MVB12B: variants seen among roughly 807,000 people sequenced by gnomAD.
MVB12B encodes the protein ESCRT-I complex subunit MVB12B.
A neutral mutation model predicts 41.6 loss-of-function variants in MVB12B; 16 were observed. The ratio of observed to expected loss-of-function variants is 0.38; its 90% confidence interval spans 0.26 to 0.58. The LOEUF (loss-of-function observed/expected upper bound fraction) is 0.58, where lower values mean the gene tolerates loss of function less well. Among genes scored for constraint, MVB12B ranks in the 20% least tolerant of loss-of-function variants. MVB12B has a pLI of 0.62. For synonymous variants in MVB12B, 133 were observed against 139.7 expected (o/e 0.95, Z 0.34); for missense variants, 274 against 380.2 (o/e 0.72, Z 2.32).
intron 7 of MVB12B, among the ~76,000 whole-genome samples, chr9:126,422,548 G>A (rs941662260): frequency 1.3e-5 from 2 of 152,194 alleles, no homozygotes; most frequent in African/African-American, 4.8e-5. Flanking sequence ...TTAGGTGCTT[G>A]GCAGCACAGG....
intron 6 of MVB12B, among the ~76,000 whole-genome samples, chr9:126,417,643 T>C (rs1281470200): frequency 1.3e-5 from 2 of 152,220 alleles, no homozygotes; most frequent in Non-Finnish European, 2.9e-5. Flanking sequence ...TCAGTAATTG[T>C]CTACCCTGTG....
At chr9:126,354,297 T>G (rs1185358563) in intron 2 of MVB12B, among the ~76,000 whole-genome samples, 1 of 152,240 alleles carries the variant, frequency 6.6e-6, no homozygotes, top group East Asian at 1.9e-4. Flanking sequence ...TATCACATTT[T>G]GTTGATATGT....
chr9:126,477,310 T>C (rs531786045), intron 7 of MVB12B, among the ~76,000 whole-genome samples: 110 of 152,280 alleles, frequency 7.2e-4, no homozygotes, highest in Non-Finnish European at 1.4e-3. Context: ...ATCTCCAACA[T>C]TGGGGATTAC....
In MVB12B at chr9:126,443,598, A is replaced by AT. The variant is rs537147247; in HGVS notation, c.757+21652dup. On this transcript the variant is annotated intron_variant, in intron 7 of 9. Coordinates refer to ENST00000361171, the MANE Select transcript of MVB12B (RefSeq NM_033446.3). ...ATTGGAAAGAAAATATCACAACCCC[A>AT]TTACCCAGAGAAACAGTATTTCAGT... is the stretch of plus-strand genomic sequence containing the variant. Among the ~76,000 whole-genome samples, 48 of 152,348 alleles carry AT rather than the reference A, an allele frequency of 3.2e-4. No individual in the cohort carries two copies. The East Asian group carries it at 9.0e-3, about 29-fold the overall frequency.
intron 1 of MVB12B, among the ~76,000 whole-genome samples, chr9:126,336,472 G>C (rs1309402048): frequency 3.3e-5 from 5 of 152,200 alleles, no homozygotes; most frequent in African/African-American, 9.7e-5. Context: ...CTGTATGAAG[G>C]GTCTTTATAG....
rs1423491959 is a variant in MVB12B, at chr9:126,468,302, C to T, written c.758-13067C>T. ...ATTTCTGGATCTCCACCCGGCAGCCCTCACACACCCATCTCACATTCTCGG... is the reference window on the plus strand; with the variant it reads ...ATTTCTGGATCTCCACCCGGCAGCCTTCACACACCCATCTCACATTCTCGG... On this transcript the variant is annotated intron_variant, in intron 7 of 9. Transcript: ENST00000361171. This position sits in a 1 kb window ranked among gnomAD's most constrained non-coding sequence, Gnocchi z 4.3. Among the ~76,000 whole-genome samples, 1 of 152,182 alleles carries T rather than the reference C, an allele frequency of 6.6e-6. No individual in the cohort carries two copies. The highest frequency in any genetic ancestry group is 1.5e-5 in the Non-Finnish European group (1 of 68,034).
intron 7 of MVB12B, among the ~76,000 whole-genome samples, chr9:126,460,258 G>C (rs533803532): frequency 6.6e-6 from 1 of 152,168 alleles, no homozygotes; most frequent in Admixed American, 6.5e-5. Context: ...CTTTGCTGCC[G>C]CCTTGCTGGA....
chr9:126,505,007 G>A lies in MVB12B; in HGVS notation c.*1744G>A, dbSNP rs1285542247. The A allele has an allele frequency of 6.6e-6, 1 of 152,328 alleles. No individual in the cohort carries two copies. Among genetic ancestry groups the A allele is most frequent in the African/African-American group, 2.4e-5 (1 of 41,454 alleles). 9.4% of individuals were successfully genotyped at this position (152,328 alleles called of 1,614,324 possible). A position where few individuals can be genotyped will look rare whatever the true frequency, so the allele number is the denominator to read the frequency against. On this transcript the variant is annotated 3_prime_UTR_variant, in exon 10 of 10. Coordinates refer to ENST00000361171, the MANE Select transcript of MVB12B (RefSeq NM_033446.3). ...TATGTCTGCCGTGGCTCCTCGGGTG[G>A]TGCCCTGTGTGACAAAGCCCAACAG...
At chr9:126,430,194 C>T (rs940645909) in intron 7 of MVB12B, among the ~76,000 whole-genome samples, 1 of 152,196 alleles carries the variant, frequency 6.6e-6, no homozygotes, top group Non-Finnish European at 1.5e-5. Context: ...CCTCAGATCA[C>T]ACCTTTGTGC....
At chr9:126,378,665 C>T (rs1433998608) in intron 2 of MVB12B, among the ~76,000 whole-genome samples, 1 of 151,928 alleles carries the variant, frequency 6.6e-6, no homozygotes, top group African/African-American at 2.4e-5. Flanking sequence ...TCTTTCTTCC[C>T]ACCTCACCTC....
rs145802995 is a variant in MVB12B at position 126,476,401 on chromosome 9, G to A, written c.758-4968G>A. Reference sequence around the variant, plus strand: ...AGGAGGGCCTGCAGACAAACGGGAAGTGCCTCTGAGGGACTTCAGGGCCCA... The same window carrying A: ...AGGAGGGCCTGCAGACAAACGGGAAATGCCTCTGAGGGACTTCAGGGCCCA... On this transcript the variant is annotated intron_variant, in intron 7 of 9. Transcript: ENST00000361171. Among the ~76,000 whole-genome samples, 556 of 152,306 alleles carry A rather than the reference G, an allele frequency of 3.7e-3. 2 individuals carry two copies. Among genetic ancestry groups the A allele is most frequent in the African/African-American group, 0.013 (535 of 41,574 alleles).
chr9:126,415,597 GAGA>G (rs1474287586), intron 6 of MVB12B, among the ~76,000 whole-genome samples: 1 of 152,220 alleles, frequency 6.6e-6, no homozygotes, highest in Non-Finnish European at 1.5e-5. Context: ...TCGTGGGGAT[GAGA>G]AGGAGAGAAG....
At chr9:126,331,411 T>C (rs917193003) in intron 1 of MVB12B, among the ~76,000 whole-genome samples, 1 of 152,234 alleles carries the variant, frequency 6.6e-6, no homozygotes, top group South Asian at 2.1e-4. Flanking sequence ...ATTCGTATAT[T>C]GTCTTTGGAA....
chr9:126,450,548 G>T (rs1296644826), intron 7 of MVB12B, among the ~76,000 whole-genome samples: 4 of 152,216 alleles, frequency 2.6e-5, no homozygotes, highest in African/African-American at 4.8e-5. Flanking sequence ...AACTGCATTT[G>T]ATAGGGCTGG....
At chr9:126,416,465 A>G (rs1047559024) in intron 6 of MVB12B, among the ~76,000 whole-genome samples, 1 of 152,182 alleles carries the variant, frequency 6.6e-6, no homozygotes, top group African/African-American at 2.4e-5. Context: ...CCAGCTCTGT[A>G]TAGTTCACTG....
At chr9:126,405,127 C>T (rs1456341367) in intron 6 of MVB12B, among the ~76,000 whole-genome samples, 1 of 152,072 alleles carries the variant, frequency 6.6e-6, no homozygotes, top group Admixed American at 6.5e-5. Flanking sequence ...TTGGCGTTCG[C>T]AGTCTCATGT....
intron 6 of MVB12B, among the ~76,000 whole-genome samples, chr9:126,412,250 G>A (rs866638105): frequency 5.9e-5 from 9 of 152,182 alleles, no homozygotes; most frequent in African/African-American, 2.2e-4. Context: ...CATTAAGCAC[G>A]TCCTTACACC....
intron 9 of MVB12B, among the ~76,000 whole-genome samples, chr9:126,495,857 C>T (rs1441284084): frequency 6.6e-6 from 1 of 152,198 alleles, no homozygotes; most frequent in Non-Finnish European, 1.5e-5. Context: ...TGTGAACCTG[C>T]AGCTTGTACA....
chr9:126,474,595 C>A (rs1200317926), intron 7 of MVB12B, among the ~76,000 whole-genome samples: 2 of 152,182 alleles, frequency 1.3e-5, no homozygotes, highest in African/African-American at 2.4e-5. Flanking sequence ...CCCAGCAAGT[C>A]GCTGTCTGCG....
Sources: allele counts gnomAD v4.1 joint callset (sites outside exome capture counted in the v4.1 genomes callset), GRCh38; gene constraint gnomAD v4.1.1; non-coding constraint Gnocchi (gnomAD v3.1); transcripts MANE v1.5; gene names NCBI Gene and HGNC (gene_info 2026-07-23, HGNC 2026-07-21).